CACNA1D: variants seen among roughly 807,000 people sequenced by gnomAD.
CACNA1D encodes calcium voltage-gated channel subunit alpha1 D.
A neutral mutation model predicts 257.1 loss-of-function variants in CACNA1D; 55 were observed. The ratio of observed to expected loss-of-function variants is 0.21; its 90% CI spans 0.17 to 0.27. The LOEUF is 0.27. Ranked by LOEUF, CACNA1D falls within the 10% of genes least tolerant of loss-of-function variation. The pLI is 1.00. For missense variants in CACNA1D, 1,876 were observed against 2,784.0 expected, an observed-to-expected ratio of 0.67 and a Z score of 7.34; for synonymous variants, 980 against 1,014.9, an observed-to-expected ratio of 0.97 and a Z score of 0.65.
intron 3 of CACNA1D, among the ~76,000 whole-genome samples, chr3:53,601,047 G>A (rs560068693): frequency 6.6e-6 from 1 of 152,112 alleles, no homozygotes; most frequent in East Asian, 1.9e-4. Context: ...ATGATCTCAG[G>A]CCTGCACAGC....
intron 3 of CACNA1D, among the ~76,000 whole-genome samples, chr3:53,592,957 G>C (rs926119881): frequency 1.3e-5 from 2 of 152,186 alleles, no homozygotes; most frequent in African/African-American, 4.8e-5. Context: ...TCAAAGTGCT[G>C]GGATTACAGG....
At chr3:53,554,526 C>A (rs537015237) in intron 3 of CACNA1D, among the ~76,000 whole-genome samples, 40 of 152,314 alleles carry the variant, frequency 2.6e-4, no homozygotes, top group African/African-American at 9.4e-4. Context: ...ACCTTTGAGT[C>A]CACAACAGGA....
chr3:53,792,612 ACACCC>A (rs2095489330), intron 40 of CACNA1D, among the ~76,000 whole-genome samples: 1 of 152,002 alleles, frequency 6.6e-6, no homozygotes, highest in Non-Finnish European at 1.5e-5. Context: ...GTAGAAGTGG[ACACCC>A]TTCCAAGCAT....
chr3:53,503,406 T>C (rs2090686595), intron 3 of CACNA1D, among the ~76,000 whole-genome samples: 1 of 152,248 alleles, frequency 6.6e-6, no homozygotes, highest in Admixed American at 6.5e-5. Flanking sequence ...TAGATCATCG[T>C]AGTCTAGGCC....
chr3:53,773,792 G>C (rs2095380666), intron 33 of CACNA1D: 1 of 152,036 alleles, frequency 6.6e-6, no homozygotes, highest in South Asian at 2.1e-4. Context: ...AGCACGTGGT[G>C]CTATGTGCCC....
At chr3:53,787,221 G>A (rs995211315) in intron 40 of CACNA1D, among the ~76,000 whole-genome samples, 10 of 152,080 alleles carry the variant, frequency 6.6e-5, no homozygotes, top group African/African-American at 1.2e-4. Flanking sequence ...CGCTACCCTC[G>A]CACCCCAGCC....
chr3:53,555,249 T>A (rs1053452747), intron 3 of CACNA1D, among the ~76,000 whole-genome samples: 1 of 152,230 alleles, frequency 6.6e-6, no homozygotes, highest in Non-Finnish European at 1.5e-5. Context: ...GATTTCCAGC[T>A]ATGTTTTTTA....
intron 32 of CACNA1D, among the ~76,000 whole-genome samples, 167 bp downstream of exon 32, chr3:53,770,719 T>C (rs1297975284): frequency 6.6e-6 from 1 of 152,152 alleles, no homozygotes; most frequent in Non-Finnish European, 1.5e-5. Context: ...ATTTCTTGGG[T>C]CAATCACATG....
intron 2 of CACNA1D, among the ~76,000 whole-genome samples, chr3:53,499,614 C>T (rs573333539): frequency 4.0e-5 from 6 of 151,430 alleles, no homozygotes; most frequent in African/African-American, 1.5e-4. Flanking sequence ...ACCTGGAGAC[C>T]AAAACTGGAC....
chr3:53,694,345 G>T (rs2094554718), intron 8 of CACNA1D, among the ~76,000 whole-genome samples: 1 of 152,182 alleles, frequency 6.6e-6, no homozygotes, highest in Admixed American at 6.5e-5. Context: ...AGCGGAAAGG[G>T]GGCTGTCACC....
intron 3 of CACNA1D, among the ~76,000 whole-genome samples, chr3:53,630,507 T>C (rs2093810524): frequency 6.6e-6 from 1 of 152,236 alleles, no homozygotes; most frequent in African/African-American, 2.4e-5. Context: ...AGGTAGTTAC[T>C]AATCCAACTG....
Position 53,495,974 on chromosome 3 carries a change from C to T in CACNA1D, c.67+741C>T, listed in dbSNP as rs1287453522. On this transcript the variant is annotated intron_variant, in intron 1 of 47. Transcript: ENST00000350061. The surrounding 1 kb of genome is among the most constrained non-coding windows in gnomAD (Gnocchi z 5.1). ...CCCTCCCCTTTGGAGACCGCCAGTG[C>T]CCCCCAACCCCTGTCGGCTGGAAGC... Among the ~76,000 whole-genome samples, 2 of 152,180 alleles carry T rather than the reference C, an allele frequency of 1.3e-5. No homozygotes were observed. The highest frequency in any genetic ancestry group is 6.5e-5 in the Admixed American group (1 of 15,288).
chr3:53,710,908 A>T (rs2094747309), intron 9 of CACNA1D, among the ~76,000 whole-genome samples: 1 of 152,172 alleles, frequency 6.6e-6, no homozygotes, highest in Admixed American at 6.5e-5. Context: ...TTTGCCCAGG[A>T]CTATGCCAAA....
intron 29 of CACNA1D, among the ~76,000 whole-genome samples, chr3:53,757,662 C>T (rs1044545913): frequency 3.3e-5 from 5 of 152,224 alleles, no homozygotes; most frequent in Non-Finnish European, 7.3e-5. Flanking sequence ...GAAGCACTGG[C>T]CCCTGTATAT....
intron 40 of CACNA1D, among the ~76,000 whole-genome samples, chr3:53,788,798 T>C (rs762919858): frequency 2.4e-4 from 37 of 152,148 alleles, no homozygotes; most frequent in Admixed American, 3.9e-4. Context: ...ATGGTTGATG[T>C]CCTAATTTAC....
At chr3:53,502,468 A>ATT (rs562089802) in intron 3 of CACNA1D, among the ~76,000 whole-genome samples, 4 of 140,526 alleles carry the variant, frequency 2.8e-5, no homozygotes, top group African/African-American at 2.6e-5. Flanking sequence ...TTCTTTAAAC[A>ATT]TTTTTTTTTT....
chr3:53,528,609 T>C (rs2091845780), intron 3 of CACNA1D, among the ~76,000 whole-genome samples: 1 of 152,216 alleles, frequency 6.6e-6, no homozygotes, highest in South Asian at 2.1e-4. Flanking sequence ...GTCGAATCTA[T>C]AGGTCAATTT....
At chr3:53,771,167 A>G (rs2095364305) in intron 32 of CACNA1D, among the ~76,000 whole-genome samples, 1 of 152,318 alleles carries the variant, frequency 6.6e-6, no homozygotes, top group South Asian at 2.1e-4. Context: ...TGCCCCAGAC[A>G]TTCTAGCCTT....
chr3:53,581,789 A>G (rs140111214), intron 3 of CACNA1D, among the ~76,000 whole-genome samples: 24 of 152,292 alleles, frequency 1.6e-4, no homozygotes, highest in African/African-American at 5.5e-4. Flanking sequence ...ACTCTCTACT[A>G]ATAAGTTAAG....
Sources: allele counts gnomAD v4.1 joint callset (sites outside exome capture counted in the v4.1 genomes callset), GRCh38; gene constraint gnomAD v4.1.1; non-coding constraint Gnocchi (gnomAD v3.1); transcripts MANE v1.5; gene names NCBI Gene and HGNC (gene_info 2026-07-23, HGNC 2026-07-21).